The following UBE3D variants were observed in gnomAD, a reference collection of about 807,000 sequenced individuals.
UBE3D encodes ubiquitin protein ligase E3D.
UBE3D carries 48 observed loss-of-function variants against 49.6 expected under a neutral mutation model. That is an observed-to-expected ratio of 0.97 (90% CI 0.77 to 1.23). The LOEUF is 1.23. UBE3D is among the 50% of genes most tolerant of loss of function. The pLI is 0.00. For missense variants in UBE3D, 452 were observed against 468.4 expected, an observed-to-expected ratio of 0.96 and a Z score of 0.32; for synonymous variants, 189 against 174.2, an observed-to-expected ratio of 1.08 and a Z score of -0.67.
At chr6:82,908,852 C>T (rs1303372265) in intron 9 of UBE3D, among the ~76,000 whole-genome samples, 1 of 152,132 alleles carries the variant, frequency 6.6e-6, no homozygotes, top group Non-Finnish European at 1.5e-5. Flanking sequence ...GATATTTATA[C>T]AGCCAGGGCA....
At chr6:82,918,856 C>T (rs990354065) in intron 9 of UBE3D, among the ~76,000 whole-genome samples, 6 of 151,872 alleles carry the variant, frequency 4.0e-5, no homozygotes, top group South Asian at 4.2e-4. Flanking sequence ...TTTACCTGCA[C>T]GTAGTTACAT....
chr6:82,900,839 G>A (rs1011921049), intron 9 of UBE3D, among the ~76,000 whole-genome samples: 7 of 151,918 alleles, frequency 4.6e-5, no homozygotes, highest in Non-Finnish European at 1.0e-4. Context: ...ACCTGCCTTT[G>A]AAAACCATCC....
chr6:82,922,665 G>GCACGGGTAAAAACTT (rs60954851), intron 9 of UBE3D, among the ~76,000 whole-genome samples: 96,199 of 150,542 alleles, frequency 0.64, 31,698 homozygotes, highest in East Asian at 0.77. Context: ...CAGGACATAG[G>GCACGGGTAAAAACTT]CATGTCTAAA....
chr6:82,963,665 AT>A (rs1189466317), intron 8 of UBE3D, among the ~76,000 whole-genome samples: 1 of 152,128 alleles, frequency 6.6e-6, no homozygotes, highest in East Asian at 1.9e-4. Context: ...CTGGCAGTTG[AT>A]TAGATGATGA....
intron 8 of UBE3D, among the ~76,000 whole-genome samples, chr6:82,991,722 A>G (rs1023457948): frequency 2.0e-5 from 3 of 152,192 alleles, no homozygotes; most frequent in Non-Finnish European, 4.4e-5. Context: ...CAAAATAAGC[A>G]TAGCAATCCC....
intron 8 of UBE3D, 105 bp from the exon 9 acceptor site, chr6:82,957,555 A>G: frequency 7.8e-7 from 1 of 1,283,762 alleles, no homozygotes; most frequent in Non-Finnish European, 1.1e-6. Flanking sequence ...AAGGCAAAGT[A>G]CAAAAACTAG....
At chr6:82,997,002 A>G (rs923919701) in intron 8 of UBE3D, among the ~76,000 whole-genome samples, 1 of 149,484 alleles carries the variant, frequency 6.7e-6, no homozygotes, top group African/African-American at 2.5e-5. Context: ...TCATGATAAT[A>G]TTATCATCTT....
Position 83,058,011 on chromosome 6 carries a change from T to C in UBE3D, c.89A>G (p.Glu30Gly), listed in dbSNP as rs771997693. ...GGAAATATTCATGGGCATACCTCCT[T>C]CTTTCGGTTCTCTGGTAATTAAAAA... ...SALLILGEPK[E>G]GGMPMNISIM... The change falls in exon 2 of 10, where the codon GAA becomes GGA. Residue 30 changes from glutamate (E) to glycine (G), a missense_variant. Coordinates refer to ENST00000369747, the MANE Select transcript of UBE3D (RefSeq NM_198920.3). The C allele has an allele frequency of 3.7e-6, 6 of 1,614,156 alleles. No homozygotes were observed. In the Admixed American group the frequency reaches 1.0e-4, roughly 27 times the overall value.
chr6:82,930,527 T>C (rs1198419419), intron 9 of UBE3D, among the ~76,000 whole-genome samples: 1 of 152,136 alleles, frequency 6.6e-6, no homozygotes. Flanking sequence ...TATGGGAAAC[T>C]AGAGACTTGT....
chr6:82,886,505 C>G, the UBE3D span, among the ~76,000 whole-genome samples: 2 of 152,114 alleles, frequency 1.3e-5, no homozygotes, highest in African/African-American at 2.4e-5. Context: ...GTCCATAGCC[C>G]GGGGGTTGGA....
intron 9 of UBE3D, among the ~76,000 whole-genome samples, chr6:82,946,194 C>A (rs1775386876): frequency 6.6e-6 from 1 of 152,064 alleles, no homozygotes; most frequent in African/African-American, 2.4e-5. Flanking sequence ...CAGATGAGTA[C>A]CTCAGGGCAT....
chr6:82,980,008 G>A (rs1778004071), intron 8 of UBE3D, among the ~76,000 whole-genome samples: 2 of 151,954 alleles, frequency 1.3e-5, no homozygotes, highest in Non-Finnish European at 2.9e-5. Context: ...TGGACATTTA[G>A]GTTGATTATA....
chr6:83,003,938 C>T (rs1478430740), intron 8 of UBE3D, among the ~76,000 whole-genome samples: 1 of 152,140 alleles, frequency 6.6e-6, no homozygotes, highest in Non-Finnish European at 1.5e-5. Context: ...ATAATACTAA[C>T]AGACAAATAT....
At chr6:82,889,832 A>G (rs989219998), downstream of UBE3D, among the ~76,000 whole-genome samples, 2 of 151,866 alleles carry the variant, frequency 1.3e-5, no homozygotes, top group African/African-American at 4.8e-5. Context: ...AGATGTTCTA[A>G]AAGTCCTCAC....
chr6:83,009,139 T>C lies in UBE3D; in HGVS notation c.1010+9834A>G, dbSNP rs555155535. On this transcript the variant is annotated intron_variant, in intron 8 of 9. Coordinates refer to ENST00000369747, the MANE Select transcript of UBE3D (RefSeq NM_198920.3). ...AAAGGAAAGGTAAAGATTCTACATA[T>C]AATGAATATAAAAATCAGCAAAATA... is the stretch of plus-strand genomic sequence containing the variant. 7.6e-4 allele frequency among the ~76,000 whole-genome samples: 115 copies of C among 152,268 alleles called. 1 individual carries two copies. The highest frequency in any genetic ancestry group is 1.3e-3 in the Non-Finnish European group (88 of 68,004).
chr6:83,020,341 G>GTTTTTT (rs11341564), intron 7 of UBE3D, among the ~76,000 whole-genome samples: 1 of 141,326 alleles, frequency 7.1e-6, no homozygotes, highest in African/African-American at 2.6e-5. Context: ...ATGTGATACT[G>GTTTTTT]TTTTTTTTTT....
At chr6:83,058,054 A>G in intron 1 of UBE3D, 32 bp from the exon 2 acceptor site, 5 of 1,605,674 alleles carry the variant, frequency 3.1e-6, no homozygotes, top group Non-Finnish European at 4.3e-6. Flanking sequence ...CAAACAAATT[A>G]TTTCTCACAA....
At chr6:82,953,495 A>G (rs1240416844) in intron 9 of UBE3D, among the ~76,000 whole-genome samples, 1 of 152,210 alleles carries the variant, frequency 6.6e-6, no homozygotes, top group Non-Finnish European at 1.5e-5. Flanking sequence ...CAGCAGAGAA[A>G]GGGCTGCTGC....
intron 9 of UBE3D, among the ~76,000 whole-genome samples, chr6:82,912,982 T>G (rs1031578062): frequency 3.9e-5 from 6 of 152,218 alleles, no homozygotes; most frequent in Non-Finnish European, 7.3e-5. Context: ...TAAACCTACC[T>G]GCAGGCAGAT....
Sources: allele counts gnomAD v4.1 joint callset (sites outside exome capture counted in the v4.1 genomes callset), GRCh38; gene constraint gnomAD v4.1.1; transcripts MANE v1.5; gene names NCBI Gene and HGNC (gene_info 2026-07-23, HGNC 2026-07-21).